METTL25: variants seen among roughly 807,000 people sequenced by gnomAD.
The protein encoded by METTL25 is probable methyltransferase-like protein 25.
METTL25 carries 64 observed loss-of-function variants against 71.6 expected under a neutral mutation model. The ratio of observed to expected loss-of-function variants is 0.89; its 90% CI spans 0.73 to 1.10. METTL25 has a LOEUF of 1.10. Among genes scored for constraint, METTL25 ranks in the 50% least tolerant of loss-of-function variants. The pLI is 0.00. For synonymous variants in METTL25, 287 were observed against 250.3 expected, an observed-to-expected ratio of 1.15 and a Z score of -1.38; for missense variants, 807 against 707.0, an observed-to-expected ratio of 1.14 and a Z score of -1.60.
At chr12:82,367,576 C>A (rs1023067078) in intron 1 of METTL25, among the ~76,000 whole-genome samples, 1 of 152,188 alleles carries the variant, frequency 6.6e-6, no homozygotes, top group African/African-American at 2.4e-5. Flanking sequence ...TTCAGTGTCA[C>A]CTCTCCTTTT....
chr12:82,460,559 T>C (rs928461756), intron 9 of METTL25, among the ~76,000 whole-genome samples: 8 of 152,236 alleles, frequency 5.3e-5, no homozygotes, highest in Non-Finnish European at 1.0e-4. Context: ...ATTCCTATGA[T>C]AGTTCTTTCA....
intron 5 of METTL25, 34 bp downstream of exon 5, chr12:82,403,164 A>G: frequency 6.3e-7 from 1 of 1,574,974 alleles, no homozygotes; most frequent in South Asian, 1.2e-5. Context: ...ATTTTTATTC[A>G]TTTGAGCATA....
intron 9 of METTL25, among the ~76,000 whole-genome samples, chr12:82,462,476 T>C (rs1229753229): frequency 1.3e-5 from 2 of 152,162 alleles, no homozygotes; most frequent in Non-Finnish European, 1.5e-5. Context: ...AATGTTCTGA[T>C]CCTGGCTTAT....
chr12:82,411,986 C>T (rs375203136), intron 5 of METTL25, among the ~76,000 whole-genome samples: 14 of 152,138 alleles, frequency 9.2e-5, no homozygotes, highest in African/African-American at 1.7e-4. Context: ...TCCAAACGTG[C>T]GATCTTTAAC....
At position 82,399,099 on chromosome 12, in the gene METTL25, C is replaced by T. The variant is rs1886348433; in HGVS notation, c.836C>T (p.Pro279Leu). The T allele has an allele frequency of 1.2e-6, 2 of 1,613,488 alleles. No homozygotes were observed. The highest frequency in any genetic ancestry group is 1.3e-5 in the African/African-American group (1 of 74,894). Residue 279 changes from proline to leucine, a missense_variant, in exon 4 of 12, where the codon CCT (proline) becomes CTT (leucine). Coordinates refer to ENST00000248306, the MANE Select transcript of METTL25 (RefSeq NM_032230.3). ...QEKMPTSAIL[P>L]DFSGSVISNI... is the part of the protein sequence containing the mutation. ...AAGATGCCTACCTCAGCTATTTTGC[C>T]TGATTTTTCTGGCTCTGTAATTTCT...
chr12:82,430,326 C>CAT (rs60618343), intron 5 of METTL25, among the ~76,000 whole-genome samples: 145,087 of 151,326 alleles, frequency 0.96, 69,564 homozygotes, highest in East Asian at 1. Context: ...TGTTGTAAAA[C>CAT]AGGTGCAATT....
intron 3 of METTL25, among the ~76,000 whole-genome samples, chr12:82,393,320 A>G (rs906082239): frequency 4.6e-5 from 7 of 151,740 alleles, no homozygotes; most frequent in African/African-American, 9.7e-5. Context: ...ATGTTTTGTA[A>G]TTTTCACTGT....
intron 5 of METTL25, among the ~76,000 whole-genome samples, chr12:82,422,673 A>G (rs1767732733): frequency 1.3e-5 from 2 of 152,220 alleles, no homozygotes. Context: ...AAATCTCCCT[A>G]AGGTGATAAG....
At chr12:82,378,891 G>A (rs1884155298) in intron 1 of METTL25, among the ~76,000 whole-genome samples, 2 of 151,982 alleles carry the variant, frequency 1.3e-5, no homozygotes, top group African/African-American at 2.4e-5. Context: ...AAATTAGCTG[G>A]GCACAGTGGT....
At chr12:82,389,071 C>T (rs930570892) in intron 2 of METTL25, among the ~76,000 whole-genome samples, 1 of 152,114 alleles carries the variant, frequency 6.6e-6, no homozygotes, top group African/African-American at 2.4e-5. Flanking sequence ...TTCCCTACCA[C>T]TCAACTCCCA....
At chr12:82,396,392 T>G (rs1478114191) in intron 3 of METTL25, among the ~76,000 whole-genome samples, 5 of 152,076 alleles carry the variant, frequency 3.3e-5, no homozygotes, top group Admixed American at 2.6e-4. Flanking sequence ...CTGGTCTCAT[T>G]GTAAGACCTT....
At chr12:82,433,899 T>A (rs976760976) in intron 6 of METTL25, among the ~76,000 whole-genome samples, 36 of 151,452 alleles carry the variant, frequency 2.4e-4, no homozygotes, top group Non-Finnish European at 3.8e-4. Context: ...TAAACTTTTT[T>A]AATAAAATTT....
intron 5 of METTL25, among the ~76,000 whole-genome samples, chr12:82,429,284 A>G (rs890844250): frequency 1.1e-4 from 17 of 151,474 alleles, no homozygotes; most frequent in Non-Finnish European, 2.4e-4. Context: ...CTCACATATG[A>G]GTGAGAATGT....
chr12:82,468,491 C>T (rs61929494), intron 9 of METTL25: 1,805 of 156,174 alleles, frequency 0.012, 27 homozygotes, highest in Non-Finnish European at 0.018. Context: ...AAGCCTCATC[C>T]TACTTGTGGC....
intron 8 of METTL25, among the ~76,000 whole-genome samples, chr12:82,447,511 C>G (rs1592740084): frequency 6.6e-6 from 1 of 152,110 alleles, no homozygotes; most frequent in East Asian, 1.9e-4. Flanking sequence ...AATGGTTCCA[C>G]TTATATAATT....
intron 5 of METTL25, among the ~76,000 whole-genome samples, chr12:82,421,507 G>A (rs1284224799): frequency 2.0e-5 from 3 of 152,066 alleles, no homozygotes; most frequent in South Asian, 2.1e-4. Context: ...ATTTTAAGGT[G>A]CCAATGAAAT....
intron 5 of METTL25, among the ~76,000 whole-genome samples, chr12:82,427,557 CTA>C (rs1270032256): frequency 6.6e-6 from 1 of 151,930 alleles, no homozygotes; most frequent in African/African-American, 2.4e-5. Flanking sequence ...TGGAGAGTAA[CTA>C]TATCCCACTG....
At chr12:82,374,484 A>G (rs777161283) in intron 1 of METTL25, among the ~76,000 whole-genome samples, 1 of 152,050 alleles carries the variant, frequency 6.6e-6, no homozygotes, top group Non-Finnish European at 1.5e-5. Flanking sequence ...GTAGCTAGAC[A>G]CAGAGTGCTG....
chr12:82,408,775 A>G (rs548017669), intron 5 of METTL25, among the ~76,000 whole-genome samples: 18 of 152,186 alleles, frequency 1.2e-4, no homozygotes, highest in Non-Finnish European at 1.8e-4. Flanking sequence ...CTACTGCTAT[A>G]TAGTTTGATC....
Sources: gnomAD v4.1 joint callset for allele counts (sites outside exome capture counted in the v4.1 genomes callset) on GRCh38, gnomAD v4.1.1 for gene constraint, MANE v1.5 for transcripts, NCBI Gene and HGNC (gene_info 2026-07-23, HGNC 2026-07-21) for gene names.